Variants in NEK11 observed in about 807,000 individuals in gnomAD.
NEK11 encodes the protein serine/threonine-protein kinase Nek11.
Under a neutral mutation model 80.7 loss-of-function variants are expected in NEK11, and 72 were observed. The ratio of observed to expected loss-of-function variants is 0.89; its 90% CI spans 0.74 to 1.08. The LOEUF is 1.08. Ranked by LOEUF, NEK11 falls within the 50% of genes least tolerant of loss-of-function variation. The probability of loss-of-function intolerance (pLI) is 0.00; values close to 1 mark genes in which losing one functional copy is unlikely to be tolerated. For synonymous variants in NEK11, 251 were observed against 260.7 expected (o/e 0.96, Z 0.36); for missense variants, 764 against 763.6 (o/e 1.00, Z -0.01).
intron 16 of NEK11, among the ~76,000 whole-genome samples, chr3:131,256,346 T>C (rs1052781865): frequency 1.3e-5 from 2 of 152,180 alleles, no homozygotes; most frequent in Non-Finnish European, 2.9e-5. Flanking sequence ...TAATTATGTG[T>C]CAATGAAAAC....
chr3:131,107,591 C>T lies in NEK11; in HGVS notation c.337-2212C>T, dbSNP rs372709256. 3.9e-5 allele frequency among the ~76,000 whole-genome samples: 6 copies of T among 152,210 alleles called. No homozygotes were observed. The East Asian group carries it at 7.7e-4, about 20-fold the overall frequency. On this transcript the variant is annotated intron_variant, in intron 4 of 17. Transcript: ENST00000383366. ...ACTAAATGAGATATACCAGAATCCTCGCATACTCAAGTCCTGCAGTTGGCC... is the reference window on the plus strand; with the variant it reads ...ACTAAATGAGATATACCAGAATCCTTGCATACTCAAGTCCTGCAGTTGGCC...
intron 17 of NEK11, among the ~76,000 whole-genome samples, chr3:131,347,455 A>G (rs1478946815): frequency 6.6e-6 from 1 of 152,204 alleles, no homozygotes; most frequent in Non-Finnish European, 1.5e-5. Flanking sequence ...AGAATTACCT[A>G]TTCATCTCTT....
At chr3:131,196,179 G>A (rs2094002452) in intron 14 of NEK11, among the ~76,000 whole-genome samples, 1 of 152,054 alleles carries the variant, frequency 6.6e-6, no homozygotes, top group South Asian at 2.1e-4. Context: ...GATATGCAAT[G>A]ATAAGCAGAT....
At chr3:131,220,695 C>A (rs1351216491) in intron 14 of NEK11, among the ~76,000 whole-genome samples, 1 of 152,180 alleles carries the variant, frequency 6.6e-6, no homozygotes, top group Non-Finnish European at 1.5e-5. Flanking sequence ...CCACCACCCA[C>A]CCTCTGTCTG....
At chr3:131,340,784 A>G (rs549631334) in intron 17 of NEK11, among the ~76,000 whole-genome samples, 4 of 152,274 alleles carry the variant, frequency 2.6e-5, no homozygotes, top group South Asian at 2.1e-4. Flanking sequence ...TTTGTCCCCA[A>G]CTGCCAATTC....
intron 3 of NEK11, among the ~76,000 whole-genome samples, chr3:131,036,920 C>T (rs2065737492): frequency 6.6e-6 from 1 of 152,164 alleles, no homozygotes; most frequent in Non-Finnish European, 1.5e-5. Flanking sequence ...TATACAATCT[C>T]ACATGCTTTT....
intron 14 of NEK11, among the ~76,000 whole-genome samples, chr3:131,207,819 T>A (rs573835957): frequency 6.6e-6 from 1 of 152,304 alleles, no homozygotes; most frequent in African/African-American, 2.4e-5. Context: ...GTTGTTTGAT[T>A]TTTTCTTGTA....
chr3:131,279,242 A>G (rs980964207), intron 17 of NEK11, among the ~76,000 whole-genome samples: 1 of 151,894 alleles, frequency 6.6e-6, no homozygotes, highest in Non-Finnish European at 1.5e-5. Context: ...CCCAGCTACT[A>G]GGGAAGGTGA....
intron 3 of NEK11, among the ~76,000 whole-genome samples, chr3:131,057,200 C>T (rs989358773): frequency 1.7e-4 from 26 of 151,968 alleles, no homozygotes; most frequent in Middle Eastern, 3.4e-3. Context: ...ATCCATGTCC[C>T]TACAAAGGAC....
intron 3 of NEK11, among the ~76,000 whole-genome samples, chr3:131,044,027 G>C (rs930794745): frequency 9.2e-5 from 14 of 152,108 alleles, no homozygotes; most frequent in African/African-American, 2.9e-4. Context: ...CTTCAAAAAT[G>C]AAGGAGAAAT....
intron 17 of NEK11, among the ~76,000 whole-genome samples, chr3:131,336,312 C>T (rs968536927): frequency 4.6e-5 from 7 of 152,120 alleles, no homozygotes; most frequent in South Asian, 2.1e-4. Flanking sequence ...GAAATAACGC[C>T]GCATTTCTAC....
chr3:131,211,268 C>T (rs1170679216), intron 14 of NEK11, among the ~76,000 whole-genome samples: 2 of 150,600 alleles, frequency 1.3e-5, no homozygotes, highest in African/African-American at 4.9e-5. Flanking sequence ...CTAGGTTGAA[C>T]ATTCTTTAAG....
intron 14 of NEK11, among the ~76,000 whole-genome samples, chr3:131,207,645 A>AG (rs2094483697): frequency 2.0e-5 from 3 of 151,750 alleles, no homozygotes; most frequent in African/African-American, 7.3e-5. Context: ...CTGACTTTTT[A>AG]ATGATCAACA....
At chr3:131,117,628 C>G (rs552574177) in intron 5 of NEK11, among the ~76,000 whole-genome samples, 20 of 152,148 alleles carry the variant, frequency 1.3e-4, no homozygotes, top group South Asian at 6.2e-4. Context: ...TCTTCCATTT[C>G]TTTGTGTCCT....
intron 3 of NEK11, among the ~76,000 whole-genome samples, chr3:131,068,003 T>C (rs2072372817): frequency 6.6e-6 from 1 of 152,172 alleles, no homozygotes; most frequent in Non-Finnish European, 1.5e-5. Context: ...TTCTCATCTG[T>C]AAGATGATGA....
At chr3:131,247,874 G>T (rs1178829564) in intron 16 of NEK11, among the ~76,000 whole-genome samples, 2 of 146,306 alleles carry the variant, frequency 1.4e-5, no homozygotes, top group Admixed American at 6.8e-5. Context: ...AAATGGAATT[G>T]CCTTCTTGAT....
chr3:131,066,111 T>C (rs2071891256), intron 3 of NEK11, among the ~76,000 whole-genome samples: 1 of 152,220 alleles, frequency 6.6e-6, no homozygotes, highest in Admixed American at 6.5e-5. Flanking sequence ...GAAATCATGA[T>C]ATACCACAAC....
intron 17 of NEK11, among the ~76,000 whole-genome samples, chr3:131,310,071 G>GA (rs1036215766): frequency 4.9e-5 from 6 of 121,624 alleles, no homozygotes; most frequent in Non-Finnish European, 9.9e-5. Context: ...TTTTTCTATC[G>GA]AAAAAAAAGA....
rs767561326 is a variant in NEK11, at chr3:131,152,404, T to G, written c.664T>G (p.Leu222Val). Residue 222 changes from leucine to valine, a missense_variant, in exon 8 of 18, where the codon TTG becomes GTG. Coordinates refer to ENST00000383366, the MANE Select transcript of NEK11 (RefSeq NM_024800.5). ...TGTCTTCAGGTCACTGGCATGCATT[T>G]TGTATGAGATGTGCTGCATGAATCA... is the stretch of plus-strand genomic sequence containing the variant. ...KSDIWSLACI[L>V]YEMCCMNHAF... 3 of 1,602,970 alleles carry G rather than the reference T, an allele frequency of 1.9e-6. No individual in the cohort carries two copies. The highest frequency in any genetic ancestry group is 2.6e-6 in the Non-Finnish European group (3 of 1,176,342).
Sources: gnomAD v4.1 joint callset for allele counts (sites outside exome capture counted in the v4.1 genomes callset) on GRCh38, gnomAD v4.1.1 for gene constraint, MANE v1.5 for transcripts, NCBI Gene and HGNC (gene_info 2026-07-23, HGNC 2026-07-21) for gene names.